Variants in ERC2 observed in about 807,000 individuals in gnomAD.
The protein encoded by ERC2 is ERC protein 2.
A neutral mutation model predicts 114.8 loss-of-function variants in ERC2; 42 were observed. The ratio of observed to expected loss-of-function variants is 0.37; its 90% CI spans 0.29 to 0.47. The LOEUF is 0.47. ERC2 is among the 20% of genes least tolerant of loss of function. The pLI is 0.99. For synonymous variants in ERC2, 454 were observed against 425.5 expected, an observed-to-expected ratio of 1.07 and a Z score of -0.82; for missense variants, 939 against 1,150.7, an observed-to-expected ratio of 0.82 and a Z score of 2.66.
intron 2 of ERC2, among the ~76,000 whole-genome samples, chr3:56,343,249 A>T (rs2058173288): frequency 6.6e-6 from 1 of 151,480 alleles, no homozygotes. Flanking sequence ...AAACACACAC[A>T]CACACACCAG....
At chr3:56,287,452 A>G (rs564449109) in intron 3 of ERC2, among the ~76,000 whole-genome samples, 6 of 152,314 alleles carry the variant, frequency 3.9e-5, no homozygotes, top group African/African-American at 1.4e-4. Context: ...TTCATGAGTC[A>G]AAAATGGAAT....
At chr3:55,967,981 C>G (rs1048070230) in intron 12 of ERC2, among the ~76,000 whole-genome samples, 6 of 152,268 alleles carry the variant, frequency 3.9e-5, no homozygotes, top group African/African-American at 1.4e-4. Context: ...AAGTAAACTT[C>G]TGTTCAGTAT....
At chr3:56,155,379 AG>A (rs1308508512) in intron 4 of ERC2, among the ~76,000 whole-genome samples, 2 of 151,608 alleles carry the variant, frequency 1.3e-5, no homozygotes, top group Non-Finnish European at 2.9e-5. Context: ...AAAAAAAAAA[AG>A]AAAATAACCG....
chr3:55,591,999 G>A (rs1049577461), intron 17 of ERC2, among the ~76,000 whole-genome samples: 1 of 152,236 alleles, frequency 6.6e-6, no homozygotes, highest in Non-Finnish European at 1.5e-5. Context: ...GTAGAAAAGA[G>A]TAGTGCTTGA....
intron 7 of ERC2, among the ~76,000 whole-genome samples, chr3:56,065,608 G>A (rs774493499): frequency 1.1e-4 from 17 of 151,868 alleles, no homozygotes; most frequent in South Asian, 2.1e-4. Context: ...TGTGTGCCAC[G>A]GTGGTTCGCT....
At chr3:55,518,245 G>A (rs1028732527) in intron 17 of ERC2, among the ~76,000 whole-genome samples, 2 of 152,176 alleles carry the variant, frequency 1.3e-5, no homozygotes, top group Non-Finnish European at 2.9e-5. Flanking sequence ...GCAGTGATAT[G>A]TTGGTAGATA....
chr3:55,813,191 C>CA (rs1190524833), intron 14 of ERC2, among the ~76,000 whole-genome samples: 1 of 152,210 alleles, frequency 6.6e-6, no homozygotes, highest in Non-Finnish European at 1.5e-5. Context: ...CACTGCTATA[C>CA]AAACCTTCTC....
chr3:56,071,321 A>G (rs1485673), intron 7 of ERC2, among the ~76,000 whole-genome samples: 38,364 of 152,144 alleles, frequency 0.25, 5,698 homozygotes, highest in Admixed American at 0.33. Flanking sequence ...ACACTTGAGT[A>G]CAGCCCAGGC....
intron 2 of ERC2, among the ~76,000 whole-genome samples, chr3:56,400,022 CA>C (rs562408516): frequency 0.024 from 3,395 of 139,874 alleles, 114 homozygotes; most frequent in African/African-American, 0.08. Context: ...AAGCAAATTT[CA>C]AAAAAAAAAA....
chr3:55,706,484 C>T (rs527978133), intron 15 of ERC2, among the ~76,000 whole-genome samples: 2 of 152,244 alleles, frequency 1.3e-5, no homozygotes, highest in East Asian at 1.9e-4. Context: ...GTAACCTCTA[C>T]TTCCCGGGTT....
intron 17 of ERC2, among the ~76,000 whole-genome samples, chr3:55,549,909 AC>A (rs1057071258): frequency 1.4e-4 from 19 of 133,658 alleles, no homozygotes; most frequent in Non-Finnish European, 3.0e-4. Flanking sequence ...TCTGCCCCCA[AC>A]CCCCCTCCCC....
At chr3:56,455,914 G>A (rs1018852032) in intron 1 of ERC2, among the ~76,000 whole-genome samples, 1 of 152,048 alleles carries the variant, frequency 6.6e-6, no homozygotes, top group Non-Finnish European at 1.5e-5. Flanking sequence ...CCTAGAGGTG[G>A]GCTGAGCCCA....
At chr3:56,262,547 G>C (rs1057282151) in intron 3 of ERC2, among the ~76,000 whole-genome samples, 1 of 152,204 alleles carries the variant, frequency 6.6e-6, no homozygotes, top group African/African-American at 2.4e-5. Context: ...GGCCAAAGGA[G>C]TAACAGATAT....
chr3:55,712,854 T>C (rs780670728), intron 15 of ERC2, among the ~76,000 whole-genome samples: 1 of 152,190 alleles, frequency 6.6e-6, no homozygotes, highest in Non-Finnish European at 1.5e-5. Flanking sequence ...CCACTTCTCC[T>C]AGTCCTCTCT....
chr3:56,432,749 C>A (rs917976430), intron 2 of ERC2, among the ~76,000 whole-genome samples: 4 of 152,170 alleles, frequency 2.6e-5, no homozygotes, highest in African/African-American at 4.8e-5. Flanking sequence ...CTTCGTTAGA[C>A]CAACATCAAA....
intron 17 of ERC2, among the ~76,000 whole-genome samples, chr3:55,536,845 G>A (rs564435442): frequency 9.2e-5 from 14 of 152,206 alleles, no homozygotes; most frequent in East Asian, 3.9e-4. Context: ...CCTCAACCCC[G>A]TCCTACAGGA....
intron 14 of ERC2, among the ~76,000 whole-genome samples, chr3:55,884,530 G>A (rs1470728661): frequency 4.6e-5 from 7 of 151,986 alleles, no homozygotes; most frequent in African/African-American, 1.5e-4. Flanking sequence ...ATGGGGTTCA[G>A]GTAAATTCTG....
At chr3:55,873,060 C>T (rs2062659269) in intron 14 of ERC2, among the ~76,000 whole-genome samples, 1 of 152,104 alleles carries the variant, frequency 6.6e-6, no homozygotes, top group East Asian at 1.9e-4. Context: ...AGGATAGGCC[C>T]CACAAGAAAG....
chr3:55,669,464 G>C (rs1310774055), intron 17 of ERC2, among the ~76,000 whole-genome samples: 1 of 152,140 alleles, frequency 6.6e-6, no homozygotes. Flanking sequence ...ATTCTGGCTC[G>C]GCCAAGATAA....
Sources: gnomAD v4.1 joint callset for allele counts (sites outside exome capture counted in the v4.1 genomes callset) on GRCh38, gnomAD v4.1.1 for gene constraint, MANE v1.5 for transcripts, NCBI Gene and HGNC (gene_info 2026-07-23, HGNC 2026-07-21) for gene names.